The following RUBCN variants were observed in gnomAD, a reference collection of about 807,000 sequenced individuals.
RUBCN encodes the protein rubicon autophagy regulator.
In RUBCN, 74 loss-of-function variants were observed where a neutral mutation model predicts 113.2. The observed-to-expected ratio is 0.65, with a 90% CI of 0.54 to 0.79. The LOEUF is 0.79. RUBCN is among the 30% of genes least tolerant of loss of function. The probability of loss-of-function intolerance (pLI) is 0.00; values close to 1 mark genes in which losing one functional copy is unlikely to be tolerated. For missense variants in RUBCN, 1,109 were observed against 1,251.7 expected (o/e 0.89, Z 1.72); for synonymous variants, 480 against 490.0 (o/e 0.98, Z 0.27).
At chr3:197,726,150 T>A (rs1726722320) in intron 1 of RUBCN, among the ~76,000 whole-genome samples, 1 of 152,268 alleles carries the variant, frequency 6.6e-6, no homozygotes, top group Non-Finnish European at 1.5e-5. Context: ...CTAAAAATAC[T>A]TTAAGACTGT....
At chr3:197,718,272 A>T (rs1580334256) in intron 1 of RUBCN, 142 bp from the exon 2 acceptor site, 4 of 873,140 alleles carry the variant, frequency 4.6e-6, no homozygotes, top group Non-Finnish European at 3.8e-6. Flanking sequence ...TGGGCACAAA[A>T]CTCAACTCTG....
At chr3:197,730,473 AAAC>A (rs1358333344) in intron 1 of RUBCN, among the ~76,000 whole-genome samples, 3 of 152,152 alleles carry the variant, frequency 2.0e-5, no homozygotes, top group Non-Finnish European at 4.4e-5. Flanking sequence ...CTGAGAATGA[AAAC>A]AACACATCTG....
At chr3:197,678,696 T>G (rs1428026797) in intron 16 of RUBCN, among the ~76,000 whole-genome samples, 1 of 148,784 alleles carries the variant, frequency 6.7e-6, no homozygotes, top group African/African-American at 2.5e-5. Flanking sequence ...GGCTCCAGAC[T>G]GTCGTATGCT....
intron 1 of RUBCN, among the ~76,000 whole-genome samples, chr3:197,745,966 G>A: frequency 6.6e-6 from 1 of 152,140 alleles, no homozygotes; most frequent in Non-Finnish European, 1.5e-5. Flanking sequence ...AACCCGGGAG[G>A]CGGAGGTTGC....
intron 1 of RUBCN, among the ~76,000 whole-genome samples, chr3:197,730,341 G>A (rs76332997): frequency 0.11 from 17,093 of 152,060 alleles, 1,184 homozygotes; most frequent in African/African-American, 0.18. Flanking sequence ...CATAACTCAA[G>A]TCAGTCCAAA....
At chr3:197,679,962 C>T (rs1391210823) in intron 16 of RUBCN, among the ~76,000 whole-genome samples, 4 of 134,128 alleles carry the variant, frequency 3.0e-5, no homozygotes, top group East Asian at 2.3e-4. Context: ...ACAACTGGCT[C>T]CAGACTGTCC....
At chr3:197,728,583 G>C (rs1010003448) in intron 1 of RUBCN, among the ~76,000 whole-genome samples, 1 of 152,200 alleles carries the variant, frequency 6.6e-6, no homozygotes, top group Admixed American at 6.5e-5. Flanking sequence ...CCATCTGTAA[G>C]AGGGATGACC....
upstream of RUBCN, among the ~76,000 whole-genome samples, chr3:197,737,435 C>T (rs1455436625): frequency 6.6e-6 from 1 of 151,130 alleles, no homozygotes; most frequent in Non-Finnish European, 1.5e-5. Context: ...TGGATGTCAA[C>T]GCAGAGTTTT....
At chr3:197,733,994 G>A (rs539137593) in intron 1 of RUBCN, among the ~76,000 whole-genome samples, 27 of 152,254 alleles carry the variant, frequency 1.8e-4, no homozygotes, top group Non-Finnish European at 3.5e-4. Flanking sequence ...GGTGGTTCAC[G>A]CTTGTAATCC....
chr3:197,690,536 C>A lies in RUBCN; in HGVS notation c.1786+3179G>T, dbSNP rs777443952. On this transcript the variant is annotated intron_variant, in intron 11 of 19. Transcript: ENST00000296343. ...ACTTTCTTTCAATTAACCTCACCTACAGGAAACCTACTTATTTGGATCACA... is the reference window on the plus strand; with the variant it reads ...ACTTTCTTTCAATTAACCTCACCTAAAGGAAACCTACTTATTTGGATCACA... 2.0e-4 allele frequency among the ~76,000 whole-genome samples: 31 copies of A among 152,216 alleles called. 1 individual carries two copies. Among genetic ancestry groups the A allele is most frequent in the Non-Finnish European group, 3.2e-4 (22 of 68,044 alleles).
At position 197,704,555 on chromosome 3, in the gene RUBCN, T is replaced by C. The variant is rs1724064060; in HGVS notation, c.450A>G (p.Arg150=). ...RPLLGDRQYI[R]KFYTDAAFLL... ...GCCTCTACCTACCTGTGTAGAATTT[T>C]CTGATATACTGTCTATCCCCGAGCA... Residue 150 remains arginine, a synonymous_variant, in exon 4 of 20, where the codon AGA becomes AGG. Transcript: ENST00000296343. 1 of 1,614,212 alleles carries C rather than the reference T, an allele frequency of 6.2e-7. No homozygotes were observed. Among genetic ancestry groups the C allele is most frequent in the Admixed American group, 1.7e-5 (1 of 60,030 alleles).
intron 11 of RUBCN, chr3:197,691,019 G>A (rs754148294): frequency 1.0e-6 from 1 of 959,418 alleles, no homozygotes; most frequent in Non-Finnish European, 1.5e-6. Flanking sequence ...GAAAGCTGGT[G>A]CAACATTCTC....
In RUBCN at chr3:197,694,504, C is replaced by G. The variant is rs1367892620; in HGVS notation, c.1555G>C (p.Glu519Gln). The change falls in exon 10 of 20, where the codon GAG becomes CAG. Residue 519 changes from glutamate (E) to glutamine (Q), a missense_variant. Glu to Gln is a conservative substitution (Grantham distance 29). This residue lies in a region of RUBCN where 736 missense variants were observed against 779.6 expected (regional missense o/e 0.94). Coordinates refer to ENST00000296343, the MANE Select transcript of RUBCN (RefSeq NM_014687.4). ...MKCNMMSQCL[E>Q]EEEVEEEDSD... is the part of the protein sequence containing the mutation. ...TCTTCCTCTTCCACTTCCTCCTCCT[C>G]TAGGCACTGGCTCATCATGTTGCAC... 1 of 1,614,212 alleles carries G rather than the reference C, an allele frequency of 6.2e-7. No individual in the cohort carries two copies. Among genetic ancestry groups the G allele is most frequent in the African/African-American group, 1.3e-5 (1 of 75,040 alleles).
intron 1 of RUBCN, among the ~76,000 whole-genome samples, chr3:197,723,399 C>T (rs926176819): frequency 7.2e-5 from 11 of 151,986 alleles, no homozygotes; most frequent in African/African-American, 2.7e-4. Context: ...TTGGCCAGGC[C>T]AGTCTCAAAC....
chr3:197,730,475 A>G (rs1312250481), intron 1 of RUBCN, among the ~76,000 whole-genome samples: 5 of 152,130 alleles, frequency 3.3e-5, no homozygotes, highest in Non-Finnish European at 4.4e-5. Context: ...GAGAATGAAA[A>G]CAACACATCT....
At position 197,681,368 on chromosome 3, in the gene RUBCN, C is replaced by T. The variant is rs1448283495; in HGVS notation, c.2192-1G>A. ...CAGTACCGCAGTCGCTTGATGTAAT[C>T]TGGAAAAACCGGAAAGCCAGAAAGC... On this transcript the variant is annotated splice_acceptor_variant, in intron 15 of 19. Transcript: ENST00000296343. LOFTEE classifies it high-confidence loss of function. This position sits in a 1 kb window ranked among gnomAD's most constrained non-coding sequence, Gnocchi z 5.5. The T allele has an allele frequency of 2.5e-6, 4 of 1,610,046 alleles. No homozygotes were observed. The highest frequency in any genetic ancestry group is 2.6e-6 in the Non-Finnish European group (3 of 1,176,388).
chr3:197,743,447 A>G (rs1728608733), intron 1 of RUBCN, among the ~76,000 whole-genome samples: 1 of 152,244 alleles, frequency 6.6e-6, no homozygotes, highest in Non-Finnish European at 1.5e-5. Context: ...TGAATGAACG[A>G]ATAAATGAAC....
rs953091195 is a variant in RUBCN at position 197,682,334 on chromosome 3, C to G, written c.2126+136G>C. 3.9e-6 allele frequency: 4 copies of G among 1,038,674 alleles called. No homozygotes were observed. In the African/African-American group the frequency reaches 6.4e-5, roughly 17 times the overall value. 64.3% of individuals were successfully genotyped at this position (1,038,674 alleles called of 1,614,324 possible). On this transcript the variant is annotated intron_variant, in intron 14 of 19. Coordinates refer to ENST00000296343, the MANE Select transcript of RUBCN (RefSeq NM_014687.4). ...AAACGAAGGACCAAATGGACGACGCCCCCCCTCTGCCTTTAAATGAAGAGA... is the reference window on the plus strand; with the variant it reads ...AAACGAAGGACCAAATGGACGACGCGCCCCCTCTGCCTTTAAATGAAGAGA...
At chr3:197,729,505 G>A (rs570584867) in intron 1 of RUBCN, among the ~76,000 whole-genome samples, 8 of 151,880 alleles carry the variant, frequency 5.3e-5, no homozygotes, top group East Asian at 2.0e-4. Flanking sequence ...CGCCTGCCTC[G>A]GCCTCCCAAA....
Sources: gnomAD v4.1 joint callset for allele counts (sites outside exome capture counted in the v4.1 genomes callset) on GRCh38, gnomAD v4.1.1 for gene constraint, gnomAD v4.1.1 regional missense constraint, Gnocchi (gnomAD v3.1) non-coding constraint, MANE v1.5 for transcripts, NCBI Gene and HGNC (gene_info 2026-07-23, HGNC 2026-07-21) for gene names.